Variants in UBXN6 observed in about 807,000 individuals in gnomAD.
UBXN6 encodes the protein UBX domain-containing protein 6.
A neutral mutation model predicts 51.4 loss-of-function variants in UBXN6; 44 were observed. That is an observed-to-expected ratio of 0.86 (90% CI 0.67 to 1.10). UBXN6 has a LOEUF of 1.10. UBXN6 is among the 50% of genes least tolerant of loss of function. UBXN6 has a pLI of 0.00. For synonymous variants in UBXN6, 316 were observed against 263.2 expected (o/e 1.20, Z -1.94); for missense variants, 672 against 596.1 (o/e 1.13, Z -1.32).
At chr19:4,453,211 A>C (rs1974683584) in intron 3 of UBXN6, among the ~76,000 whole-genome samples, 1 of 152,178 alleles carries the variant, frequency 6.6e-6, no homozygotes, top group African/African-American at 2.4e-5. Context: ...TTAAGGGGTT[A>C]AGGGGAGGGA....
chr19:4,457,588 C>G, intron 1 of UBXN6, 27 bp downstream of exon 1: 1 of 1,579,982 alleles, frequency 6.3e-7, no homozygotes, highest in Admixed American at 1.7e-5. Flanking sequence ...CCCCGCAGGG[C>G]CTCAAGCCCC....
chr19:4,453,657 G>T, intron 2 of UBXN6, 135 bp from the exon 3 acceptor site: 1 of 1,167,198 alleles, frequency 8.6e-7, no homozygotes, highest in Non-Finnish European at 1.2e-6. Context: ...TGGAGGTCAG[G>T]CTGGAGGTCC....
At chr19:4,456,298 A>C (rs1599682859) in intron 1 of UBXN6, among the ~76,000 whole-genome samples, 4 of 68,656 alleles carry the variant, frequency 5.8e-5, no homozygotes, top group African/African-American at 1.8e-4. Flanking sequence ...TCCCTCCCTC[A>C]CTCAGCCTTT....
rs117152435 is a variant in UBXN6 at position 4,453,803 on chromosome 19, G to A, written c.247+127C>T. 77 of 1,382,408 alleles carry A rather than the reference G, an allele frequency of 5.6e-5. No individual in the cohort carries two copies. The East Asian group carries it at 1.6e-3, about 29-fold the overall frequency. The allele number at this position is 1,382,408 out of a possible 1,614,324, so 85.6% of individuals were successfully genotyped here. A position where few individuals can be genotyped will look rare whatever the true frequency, so the allele number is the denominator to read the frequency against. On this transcript the variant is annotated intron_variant, in intron 2 of 10. Coordinates refer to ENST00000301281, the MANE Select transcript of UBXN6 (RefSeq NM_025241.3). ...CCTTCCCCCAGCACCTGCCCTTGAT[G>A]AGCCGCTCCCAAGGGTGACCCTCAC...
chr19:4,457,509 C>T, intron 1 of UBXN6, 106 bp downstream of exon 1: 2 of 1,041,330 alleles, frequency 1.9e-6, no homozygotes, highest in Non-Finnish European at 1.3e-6. Flanking sequence ...CGTGCCGCTC[C>T]CAGCCCCTCA....
At chr19:4,451,139 C>A (rs1206101812) in intron 4 of UBXN6, among the ~76,000 whole-genome samples, 1 of 152,186 alleles carries the variant, frequency 6.6e-6, no homozygotes, top group African/African-American at 2.4e-5. Flanking sequence ...TCACTGCAAC[C>A]TCCACCTCCC....
chr19:4,452,579 T>C, intron 3 of UBXN6, 87 bp from the exon 4 acceptor site: 1 of 1,479,248 alleles, frequency 6.8e-7, no homozygotes, highest in East Asian at 2.4e-5. Context: ...GTGTGGCCCG[T>C]AGAACCAGAC....
At position 4,446,104 on chromosome 19, in the gene UBXN6, G is replaced by A. The variant is rs757141712; in HGVS notation, c.1145C>T (p.Ser382Leu). Residue 382 changes from serine (S) to leucine (L), a missense_variant, in exon 10 of 11, where the codon TCG becomes TTG. Transcript: ENST00000301281. ...GTCCTCGGACAGCTTCTGCCCTCCC[G>A]AGGCCAGCAGCTCAAAAGGCAGCCA... ...SDWLPFELLA[S>L]GGQKLSEDEN... is the part of the protein sequence containing the mutation. The A allele has an allele frequency of 3.1e-5, 50 of 1,612,560 alleles. No homozygotes were observed. The highest frequency in any genetic ancestry group is 1.3e-4 in the East Asian group (6 of 44,880).
intron 1 of UBXN6, among the ~76,000 whole-genome samples, chr19:4,456,577 C>G (rs970741664): frequency 6.6e-6 from 1 of 152,092 alleles, no homozygotes; most frequent in African/African-American, 2.4e-5. Context: ...TCCCTTTTCT[C>G]AACCCAACAG....
Position 4,453,159 on chromosome 19 carries a change from G to A in UBXN6, c.312+299C>T, listed in dbSNP as rs540389796. Among the ~76,000 whole-genome samples the A allele has an allele frequency of 5.3e-5, 8 of 152,140 alleles. No individual in the cohort carries two copies. In the South Asian group the frequency reaches 6.2e-4, roughly 12 times the overall value. The stretch of plus-strand genomic sequence containing the variant: ...AGCTGGTTTCACCTCTCTCAACCCC[G>A]GTTCTCTTTTTGAATAGTGGAAACT... On this transcript the variant is annotated intron_variant, in intron 3 of 10. Transcript: ENST00000301281.
Position 4,445,268 on chromosome 19 carries a change from G to A in UBXN6, c.*230C>T. 1.7e-6 allele frequency: 1 copy of A among 597,994 alleles called. No individual in the cohort carries two copies. The highest frequency in any genetic ancestry group is 3.2e-5 in the Admixed American group (1 of 31,148). The allele number at this position is 597,994 out of a possible 1,614,324, so 37.0% of individuals were successfully genotyped here. A position where few individuals can be genotyped will look rare whatever the true frequency, so the allele number is the denominator to read the frequency against. ...AGCTAGGGAGGGCTTAGATTTGTTG[G>A]TGTCCCCAGGCCTCTCCCTCGGGGG... On this transcript the variant is annotated 3_prime_UTR_variant, in exon 11 of 11. Coordinates refer to ENST00000301281, the MANE Select transcript of UBXN6 (RefSeq NM_025241.3).
chr19:4,446,461 C>G lies in UBXN6; in HGVS notation c.920+39G>C, dbSNP rs1294739350. The G allele has an allele frequency of 1.9e-6, 3 of 1,583,822 alleles. No individual in the cohort carries two copies. The Admixed American group carries it at 5.2e-5, about 28-fold the overall frequency. On this transcript the variant is annotated intron_variant, in intron 8 of 10. Transcript: ENST00000301281. ...GAGGGCTGGCCGGGGTTCTTCCACCCCGCCCCGCCCCACTCTGCTCCGCGG... is the reference window on the plus strand; with the variant it reads ...GAGGGCTGGCCGGGGTTCTTCCACCGCGCCCCGCCCCACTCTGCTCCGCGG...
At chr19:4,454,885 C>T (rs1307072462) in intron 1 of UBXN6, 4 of 152,416 alleles carry the variant, frequency 2.6e-5, no homozygotes, top group African/African-American at 9.6e-5. Flanking sequence ...AACAAGCTGC[C>T]AGGGAGGCCT....
rs1270783239 is a variant in UBXN6, at chr19:4,452,246, A to G, written c.441+118T>C. On this transcript the variant is annotated intron_variant, in intron 4 of 10. Coordinates refer to ENST00000301281, the MANE Select transcript of UBXN6 (RefSeq NM_025241.3). ...GGGGTATCAGAGGAGGGGCTTCACT[A>G]CTAGCAGTGGCCTCTGGGGACTCTG... 5 of 1,446,450 alleles carry G rather than the reference A, an allele frequency of 3.5e-6. No homozygotes were observed. In the East Asian group the frequency reaches 1.2e-4, roughly 34 times the overall value. 89.6% of individuals were successfully genotyped at this position (1,446,450 alleles called of 1,614,324 possible). A position where few individuals can be genotyped will look rare whatever the true frequency, so the allele number is the denominator to read the frequency against.
At chr19:4,445,942 C>T (rs759070495) in intron 10 of UBXN6, 107 bp downstream of exon 10, 2 of 1,488,086 alleles carry the variant, frequency 1.3e-6, no homozygotes, top group Non-Finnish European at 1.8e-6. Context: ...CTGCCCAGGC[C>T]CCCTGCTCTG....
chr19:4,457,544 C>T (rs1974757234), intron 1 of UBXN6, 71 bp downstream of exon 1: 2 of 1,440,804 alleles, frequency 1.4e-6, no homozygotes, highest in African/African-American at 1.5e-5. Flanking sequence ...CCGAGCCGCC[C>T]AAGGCCCCAG....
rs1430213482 is a variant in UBXN6, at chr19:4,448,301, A to T, written c.539+17T>A. 2 of 1,592,130 alleles carry T rather than the reference A, an allele frequency of 1.3e-6. No homozygotes were observed. The highest frequency in any genetic ancestry group is 1.1e-5 in the South Asian group (1 of 87,960). On this transcript the variant is annotated intron_variant, in intron 5 of 10. Transcript: ENST00000301281. ...GAGCTGGAGGGGCCAGGCAGGGCAA[A>T]GGGGCCACACGCTCACTTGGCAATG...
rs542490638 is a variant in UBXN6, at chr19:4,447,911, C to T, written c.540-286G>A. On this transcript the variant is annotated intron_variant, in intron 5 of 10. Coordinates refer to ENST00000301281, the MANE Select transcript of UBXN6 (RefSeq NM_025241.3). The stretch of plus-strand genomic sequence containing the variant: ...CACAGCGGTGGGGAAGCCACAGTGC[C>T]GGAAGAGTGGAGAGCCAGAGCTGAA... 1.1e-3 allele frequency: 560 copies of T among 510,322 alleles called. 2 individuals carry two copies. The highest frequency in any genetic ancestry group is 9.8e-3 in the African/African-American group (510 of 52,108). The allele number at this position is 510,322 out of a possible 1,614,324, so 31.6% of individuals were successfully genotyped here.
intron 1 of UBXN6, 92 bp downstream of exon 1, chr19:4,457,523 T>A: frequency 1.9e-6 from 2 of 1,033,544 alleles, no homozygotes; most frequent in East Asian, 7.7e-5. Context: ...CCCCTCATCC[T>A]CTCCGATCTC....
Sources: gnomAD v4.1 joint callset for allele counts (sites outside exome capture counted in the v4.1 genomes callset) on GRCh38, gnomAD v4.1.1 for gene constraint, MANE v1.5 for transcripts, NCBI Gene and HGNC (gene_info 2026-07-23, HGNC 2026-07-21) for gene names.